PAX3: variants seen among roughly 807,000 people sequenced by gnomAD.
PAX3 encodes paired box protein Pax-3.
In PAX3, 14 loss-of-function variants were observed where a neutral mutation model predicts 51.6. The observed-to-expected ratio is 0.27, with a 90% CI of 0.18 to 0.42. PAX3 has a LOEUF of 0.42. Ranked by LOEUF, PAX3 falls within the 10% of genes least tolerant of loss-of-function variation. The probability of loss-of-function intolerance (pLI) is 1.00; values close to 1 mark genes in which losing one functional copy is unlikely to be tolerated. For synonymous variants in PAX3, 280 were observed against 253.4 expected (o/e 1.11, Z -1.00); for missense variants, 540 against 642.8 (o/e 0.84, Z 1.73).
chr2:222,214,747 C>T (rs1691884598), intron 7 of PAX3: 1 of 152,028 alleles, frequency 6.6e-6, no homozygotes, highest in African/African-American at 2.4e-5. Flanking sequence ...TTTTTCTTTC[C>T]TCAGTAGATT....
intron 5 of PAX3, among the ~76,000 whole-genome samples, chr2:222,229,434 A>C (rs1035167400): frequency 8.5e-5 from 13 of 152,114 alleles, no homozygotes; most frequent in African/African-American, 3.1e-4. Flanking sequence ...ACTTTAAAAC[A>C]CCAGCTCTGT....
At chr2:222,237,693 T>A (rs1401938032) in intron 4 of PAX3, among the ~76,000 whole-genome samples, 1 of 152,226 alleles carries the variant, frequency 6.6e-6, no homozygotes, top group Admixed American at 6.5e-5. Flanking sequence ...CCATTTGCAG[T>A]CTTTACTAAG....
intron 7 of PAX3, among the ~76,000 whole-genome samples, chr2:222,218,364 T>C (rs182942614): frequency 6.6e-6 from 1 of 152,194 alleles, no homozygotes; most frequent in Non-Finnish European, 1.5e-5. Flanking sequence ...AATACATTTA[T>C]ACAAGAAAGT....
intron 7 of PAX3, among the ~76,000 whole-genome samples, chr2:222,211,095 A>T (rs534188319): frequency 6.6e-6 from 1 of 152,176 alleles, no homozygotes; most frequent in Admixed American, 6.5e-5. Flanking sequence ...TCAAACTCCT[A>T]GACACAAGCG....
chr2:222,231,186 T>C (rs1199334418), intron 5 of PAX3, among the ~76,000 whole-genome samples: 2 of 152,192 alleles, frequency 1.3e-5, no homozygotes, highest in African/African-American at 4.8e-5. Context: ...CTAGGGACCA[T>C]GTCAACTGAC....
intron 4 of PAX3, among the ~76,000 whole-genome samples, chr2:222,260,359 C>T (rs1313787099): frequency 6.6e-6 from 1 of 152,008 alleles, no homozygotes; most frequent in African/African-American, 2.4e-5. Flanking sequence ...CAGAGCAAGA[C>T]CTTTCTCAAA....
intron 7 of PAX3, among the ~76,000 whole-genome samples, chr2:222,207,757 G>A (rs879449958): frequency 3.3e-5 from 5 of 151,880 alleles, no homozygotes; most frequent in Admixed American, 2.0e-4. Context: ...TATTCTTTAC[G>A]GACTGATGAC....
intron 5 of PAX3, among the ~76,000 whole-genome samples, chr2:222,223,146 C>G (rs993899791): frequency 6.6e-6 from 1 of 151,994 alleles, no homozygotes; most frequent in Admixed American, 6.6e-5. Flanking sequence ...TTTAATAAAT[C>G]CTTTGCCGAG....
chr2:222,227,953 A>T (rs1243996695), intron 5 of PAX3, among the ~76,000 whole-genome samples: 1 of 152,166 alleles, frequency 6.6e-6, no homozygotes, highest in Non-Finnish European at 1.5e-5. Flanking sequence ...AAAAAAAATG[A>T]AATGTAGACA....
chr2:222,218,569 T>TA (rs35213456), intron 7 of PAX3, among the ~76,000 whole-genome samples: 1 of 152,148 alleles, frequency 6.6e-6, no homozygotes, highest in Admixed American at 6.6e-5. Flanking sequence ...CTACAAATCT[T>TA]AAAAAATCGC....
intron 4 of PAX3, among the ~76,000 whole-genome samples, chr2:222,244,286 G>T (rs1344616859): frequency 1.3e-5 from 2 of 152,256 alleles, no homozygotes; most frequent in East Asian, 3.9e-4. Flanking sequence ...TCATGTCATG[G>T]TGATGTGTCC....
At chr2:222,264,100 A>C (rs1343138867) in intron 4 of PAX3, 3 of 152,192 alleles carry the variant, frequency 2.0e-5, no homozygotes, top group Non-Finnish European at 2.9e-5. Context: ...ATCAAATACA[A>C]GTTCATAGCA....
intron 4 of PAX3, among the ~76,000 whole-genome samples, chr2:222,254,690 CTACAG>C (rs1326382592): frequency 6.6e-6 from 1 of 152,194 alleles, no homozygotes; most frequent in African/African-American, 2.4e-5. Context: ...TGATGATACT[CTACAG>C]TATAAACATG....
intron 7 of PAX3, among the ~76,000 whole-genome samples, chr2:222,206,063 G>A (rs536445751): frequency 6.6e-6 from 1 of 151,900 alleles, no homozygotes; most frequent in South Asian, 2.1e-4. Flanking sequence ...TTCATTTGTT[G>A]TAAAGTGGAT....
intron 5 of PAX3, among the ~76,000 whole-genome samples, chr2:222,230,169 CT>C (rs1398921387): frequency 6.6e-6 from 1 of 151,150 alleles, no homozygotes. Context: ...GAATGAGACC[CT>C]GTCTCAAAAA....
chr2:222,209,944 T>A (rs188932082), intron 7 of PAX3, among the ~76,000 whole-genome samples: 1 of 152,164 alleles, frequency 6.6e-6, no homozygotes, highest in East Asian at 1.9e-4. Context: ...TCTACAAATG[T>A]GAGACAACAT....
intron 4 of PAX3, among the ~76,000 whole-genome samples, chr2:222,260,152 G>C (rs1370116775): frequency 6.6e-6 from 1 of 152,196 alleles, no homozygotes; most frequent in Non-Finnish European, 1.5e-5. Context: ...TGGGATTATA[G>C]GCATGAGCCA....
chr2:222,241,689 T>A (rs1424482582), intron 4 of PAX3, among the ~76,000 whole-genome samples: 1 of 152,248 alleles, frequency 6.6e-6, no homozygotes, highest in East Asian at 1.9e-4. Context: ...TGTTGGGACA[T>A]TTTGTCAGCA....
intron 7 of PAX3, among the ~76,000 whole-genome samples, chr2:222,207,911 G>A (rs1691573860): frequency 6.6e-6 from 1 of 151,614 alleles, no homozygotes; most frequent in Non-Finnish European, 1.5e-5. Context: ...TGTGAATTAT[G>A]ATTTTGTATG....
Sources: gnomAD v4.1 joint callset for allele counts (sites outside exome capture counted in the v4.1 genomes callset) on GRCh38, gnomAD v4.1.1 for gene constraint, MANE v1.5 for transcripts, NCBI Gene and HGNC (gene_info 2026-07-23, HGNC 2026-07-21) for gene names.